Variants in C20orf203 observed in about 807,000 individuals in gnomAD.
The protein encoded by C20orf203 is chromosome 20 open reading frame 203.
In C20orf203, 16 loss-of-function variants were observed where a neutral mutation model predicts 15.9. That is an observed-to-expected ratio of 1.01 (90% CI 0.68 to 1.53). The LOEUF is 1.53. C20orf203 is among the 40% of genes most tolerant of loss of function. C20orf203 has a pLI of 0.00. For missense variants in C20orf203, 263 were observed against 247.5 expected (o/e 1.06, Z -0.42); for synonymous variants, 98 against 97.2 (o/e 1.01, Z -0.05).
chr20:32,670,798 T>C (rs1983145553), intron 1 of C20orf203, among the ~76,000 whole-genome samples: 1 of 151,892 alleles, frequency 6.6e-6, no homozygotes, highest in African/African-American at 2.4e-5. Flanking sequence ...CACCATTGCA[T>C]TCCAGCCTGG....
chr20:32,668,631 A>T (rs750322379), intron 1 of C20orf203, among the ~76,000 whole-genome samples: 21 of 151,986 alleles, frequency 1.4e-4, no homozygotes, highest in South Asian at 1.3e-3. Context: ...GTCTCAAAAA[A>T]AAATAAATAA....
At chr20:32,642,029 C>T (rs1433594431) in intron 4 of C20orf203, among the ~76,000 whole-genome samples, 1 of 152,034 alleles carries the variant, frequency 6.6e-6, no homozygotes, top group African/African-American at 2.4e-5. Flanking sequence ...TTTGTAGAGA[C>T]GGGTTCTCTC....
intron 4 of C20orf203, among the ~76,000 whole-genome samples, chr20:32,647,278 C>G (rs1982461303): frequency 6.6e-6 from 1 of 152,008 alleles, no homozygotes; most frequent in Non-Finnish European, 1.5e-5. Flanking sequence ...GCCTATAATC[C>G]CATCTACTGG....
chr20:32,650,379 G>C lies in C20orf203; in HGVS notation c.*53C>G. 1 of 1,302,826 alleles carries C rather than the reference G, an allele frequency of 7.7e-7. No homozygotes were observed. Among genetic ancestry groups the C allele is most frequent in the Non-Finnish European group, 1.1e-6 (1 of 933,472 alleles). The allele number at this position is 1,302,826 out of a possible 1,614,324, so 80.7% of individuals were successfully genotyped here. On this transcript the variant is annotated 3_prime_UTR_variant, in exon 4 of 6. Transcript: ENST00000608990. The stretch of plus-strand genomic sequence containing the variant: ...ACAGGGGACACCCTGAGGTGGTGGT[G>C]GCCTTGGTAGGACAGGCAGGCAGAG...
At chr20:32,643,346 G>A (rs1463825692) in intron 4 of C20orf203, among the ~76,000 whole-genome samples, 1 of 152,080 alleles carries the variant, frequency 6.6e-6, no homozygotes, top group African/African-American at 2.4e-5. Context: ...AGATTAAATG[G>A]GTTAATAGAG....
rs1236862780 is a variant in C20orf203 at position 32,651,098 on chromosome 20, G to C, written c.55C>G (p.Pro19Ala). ...TGCCTGTGATCCAGCATGTTGGGAGGCTGAGGCAGGAGAATCGCTTGAGCC... is the reference window on the plus strand; with the variant it reads ...TGCCTGTGATCCAGCATGTTGGGAGCCTGAGGCAGGAGAATCGCTTGAGCC... Reference protein sequence around the residue: ...SRAQAILLPQPPNMLDHRQWP... With the variant: ...SRAQAILLPQAPNMLDHRQWP... Residue 19 changes from proline to alanine, a missense_variant, in exon 3 of 6, where the codon CCT becomes GCT. By Grantham distance (27) the Pro-to-Ala change is conservative. Coordinates refer to ENST00000608990, the MANE Select transcript of C20orf203 (RefSeq NM_182584.4). 2 of 1,470,056 alleles carry C rather than the reference G, an allele frequency of 1.4e-6. No individual in the cohort carries two copies. The highest frequency in any genetic ancestry group is 1.4e-5 in the African/African-American group (1 of 70,790). 91.1% of individuals were successfully genotyped at this position (1,470,056 alleles called of 1,614,324 possible). A position where few individuals can be genotyped will look rare whatever the true frequency, so the allele number is the denominator to read the frequency against.
At chr20:32,667,389 T>C (rs551816564) in intron 1 of C20orf203, among the ~76,000 whole-genome samples, 99 of 152,240 alleles carry the variant, frequency 6.5e-4, no homozygotes, top group Non-Finnish European at 1.2e-3. Context: ...TAGAGCTGCG[T>C]TGATGACAGC....
rs1438923059 is a variant in C20orf203 at position 32,650,851 on chromosome 20, G to A, written c.166C>T (p.His56Tyr). ...ATSVLAGLTA[H>Y]LWDLGGGAGR... ...GCCCCACCGCCAAGGTCCCAGAGGT[G>A]GGCAGTGAGTCCAGCCAAGACTGAT... The change falls in exon 4 of 6, where the codon CAC becomes TAC. Residue 56 changes from histidine to tyrosine, a missense_variant. By Grantham distance (83) the His-to-Tyr change is moderately conservative (BLOSUM62 2). Transcript: ENST00000608990. The A allele has an allele frequency of 6.8e-7, 1 of 1,464,094 alleles. No homozygotes were observed. The highest frequency in any genetic ancestry group is 1.4e-5 in the African/African-American group (1 of 70,538). The allele number at this position is 1,464,094 out of a possible 1,614,324, so 90.7% of individuals were successfully genotyped here.
intron 1 of C20orf203, among the ~76,000 whole-genome samples, chr20:32,655,070 CAG>C (rs780549262): frequency 6.6e-6 from 1 of 152,150 alleles, no homozygotes; most frequent in Non-Finnish European, 1.5e-5. Context: ...ATGGGGAAAA[CAG>C]AGTCTTGCAA....
intron 1 of C20orf203, among the ~76,000 whole-genome samples, chr20:32,658,747 G>A (rs1051593778): frequency 6.6e-5 from 10 of 152,018 alleles, no homozygotes; most frequent in African/African-American, 2.4e-4. Flanking sequence ...AAGGGTAGGT[G>A]GGGAATGACA....
At chr20:32,634,970 T>C (rs148431764) in intron 5 of C20orf203, among the ~76,000 whole-genome samples, 1,984 of 149,188 alleles carry the variant, frequency 0.013, 34 homozygotes, top group African/African-American at 0.045. Context: ...GAGGCCAAGG[T>C]GGGCGGATCA....
chr20:32,646,138 G>A (rs1427803823), intron 4 of C20orf203, among the ~76,000 whole-genome samples: 2 of 151,178 alleles, frequency 1.3e-5, no homozygotes, highest in African/African-American at 4.9e-5. Flanking sequence ...GTCAGTATGA[G>A]GATTTTTTTT....
At chr20:32,641,172 A>G (rs1982270304) in intron 4 of C20orf203, among the ~76,000 whole-genome samples, 1 of 151,866 alleles carries the variant, frequency 6.6e-6, no homozygotes, top group South Asian at 2.1e-4. Context: ...CAAAATACAA[A>G]ATATTATCTG....
chr20:32,639,650 C>T (rs556062944), intron 5 of C20orf203, among the ~76,000 whole-genome samples: 2 of 149,604 alleles, frequency 1.3e-5, no homozygotes, highest in Non-Finnish European at 3.0e-5. Flanking sequence ...AAAAAAGTCA[C>T]CGTGAGGATT....
chr20:32,635,907 A>C (rs1982125177), intron 5 of C20orf203, among the ~76,000 whole-genome samples: 1 of 151,534 alleles, frequency 6.6e-6, no homozygotes, highest in South Asian at 2.1e-4. Flanking sequence ...CCCAGCAAAA[A>C]CCCCCAGGGA....
Position 32,650,667 on chromosome 20 carries a change from C to A in C20orf203, c.350G>T (p.Arg117Leu). The A allele has an allele frequency of 2.6e-6, 4 of 1,549,490 alleles. No individual in the cohort carries two copies. Among genetic ancestry groups the A allele is most frequent in the Non-Finnish European group, 3.5e-6 (4 of 1,146,558 alleles). ...CCCCCTCCCCACTTCCCTATCTCTC[C>A]GACCCACCTTGCTGAGCCTGAGGCC... is the stretch of plus-strand genomic sequence containing the variant. Reference protein sequence around the residue: ...VGGLRLSKVGRRDREVGRGLR... With the variant: ...VGGLRLSKVGLRDREVGRGLR... The change falls in exon 4 of 6, where the codon CGG becomes CTG. Residue 117 changes from arginine to leucine, a missense_variant. Coordinates refer to ENST00000608990, the MANE Select transcript of C20orf203 (RefSeq NM_182584.4).
At chr20:32,666,241 A>T (rs913020275) in intron 1 of C20orf203, among the ~76,000 whole-genome samples, 2 of 150,896 alleles carry the variant, frequency 1.3e-5, no homozygotes, top group South Asian at 4.2e-4. Context: ...CCGAGGCAGG[A>T]GGATCTCTTG....
intron 4 of C20orf203, among the ~76,000 whole-genome samples, chr20:32,647,791 C>T (rs949313833): frequency 4.6e-5 from 7 of 152,176 alleles, no homozygotes; most frequent in South Asian, 2.1e-4. Flanking sequence ...TACCACGGGT[C>T]GGGGAATTGC....
intron 4 of C20orf203, among the ~76,000 whole-genome samples, chr20:32,648,211 A>T (rs1269671683): frequency 6.6e-6 from 1 of 151,876 alleles, no homozygotes; most frequent in Non-Finnish European, 1.5e-5. Flanking sequence ...CAGGCTCCCC[A>T]GCTTCCTCAA....
Sources: gnomAD v4.1 joint callset for allele counts (sites outside exome capture counted in the v4.1 genomes callset) on GRCh38, gnomAD v4.1.1 for gene constraint, MANE v1.5 for transcripts, NCBI Gene and HGNC (gene_info 2026-07-23, HGNC 2026-07-21) for gene names.